The following PPM1L variants were observed in gnomAD, a reference collection of about 807,000 sequenced individuals.
The protein encoded by PPM1L is protein phosphatase 1L.
In PPM1L, 13 loss-of-function variants were observed where a neutral mutation model predicts 31.4. The ratio of observed to expected loss-of-function variants is 0.41; its 90% CI spans 0.27 to 0.66. The LOEUF is 0.66. Among genes scored for constraint, PPM1L ranks in the 30% least tolerant of loss-of-function variants. PPM1L has a pLI of 0.29. For synonymous variants in PPM1L, 184 were observed against 175.4 expected (o/e 1.05, Z -0.39); for missense variants, 326 against 453.7 (o/e 0.72, Z 2.56).
chr3:161,054,637 G>T (rs1012040799), intron 2 of PPM1L, among the ~76,000 whole-genome samples: 1 of 152,130 alleles, frequency 6.6e-6, no homozygotes, highest in Non-Finnish European at 1.5e-5. Flanking sequence ...CAAGACTCTG[G>T]CAACAGGCTA....
chr3:160,822,441 T>A (rs1456110982), intron 1 of PPM1L, among the ~76,000 whole-genome samples: 2 of 152,066 alleles, frequency 1.3e-5, no homozygotes, highest in African/African-American at 4.8e-5. Context: ...TTATGTTTTA[T>A]ATGTATTAAA....
chr3:160,945,488 G>A (rs1056732416), intron 1 of PPM1L, among the ~76,000 whole-genome samples: 1 of 152,076 alleles, frequency 6.6e-6, no homozygotes, highest in East Asian at 1.9e-4. Context: ...AGGAATCTCA[G>A]GGTCAATCTA....
chr3:161,062,183 T>TA (rs1329492858), intron 2 of PPM1L, among the ~76,000 whole-genome samples: 3 of 152,160 alleles, frequency 2.0e-5, no homozygotes, highest in African/African-American at 7.2e-5. Context: ...CCAGCAGACT[T>TA]TTTTGAGTCC....
rs190815846 is a variant in PPM1L, at chr3:161,022,078, A to T, written c.575-43325A>T. 112 of 599,230 alleles carry T rather than the reference A, an allele frequency of 1.9e-4. 1 individual carries two copies. The East Asian group carries it at 2.0e-3, about 11-fold the overall frequency. 37.1% of individuals were successfully genotyped at this position (599,230 alleles called of 1,614,324 possible). A position where few individuals can be genotyped will look rare whatever the true frequency, so the allele number is the denominator to read the frequency against. On this transcript the variant is annotated intron_variant, in intron 2 of 3. Coordinates refer to ENST00000498165, the MANE Select transcript of PPM1L (RefSeq NM_139245.4). ...TATGTCTTATGTATTTTGTTCCTTT[A>T]TCACTCCATTATTGCATACTTTTGT...
chr3:161,044,905 C>G (rs1433002073), intron 2 of PPM1L, among the ~76,000 whole-genome samples: 3 of 151,692 alleles, frequency 2.0e-5, no homozygotes. Flanking sequence ...CACATAGGCT[C>G]AAAATAAAGG....
At chr3:160,872,141 C>A (rs188545199) in intron 1 of PPM1L, among the ~76,000 whole-genome samples, 1 of 152,078 alleles carries the variant, frequency 6.6e-6, no homozygotes, top group Non-Finnish European at 1.5e-5. Context: ...AATCACTCAC[C>A]GGTTTAAGAA....
intron 1 of PPM1L, among the ~76,000 whole-genome samples, chr3:160,855,061 A>G (rs1219458304): frequency 1.3e-5 from 2 of 152,150 alleles, no homozygotes; most frequent in Admixed American, 1.3e-4. Context: ...GAACCCAGAA[A>G]AAAAAGCTGC....
chr3:160,973,131 GA>G (rs1308354305), intron 2 of PPM1L, among the ~76,000 whole-genome samples: 1 of 152,146 alleles, frequency 6.6e-6, no homozygotes, highest in Non-Finnish European at 1.5e-5. Flanking sequence ...AAATTTTAAA[GA>G]ACTTTGCTGA....
chr3:161,013,134 C>A (rs1451634846), intron 2 of PPM1L, among the ~76,000 whole-genome samples: 2 of 152,188 alleles, frequency 1.3e-5, no homozygotes, highest in Admixed American at 6.5e-5. Context: ...AATTTTAGAT[C>A]TTTCCTGCTT....
intron 1 of PPM1L, among the ~76,000 whole-genome samples, chr3:160,958,926 T>C (rs1209630593): frequency 6.6e-6 from 1 of 152,128 alleles, no homozygotes; most frequent in Non-Finnish European, 1.5e-5. Context: ...TCATGAAGGT[T>C]ATAAAGAAAT....
At position 160,835,039 on chromosome 3, in the gene PPM1L, A is replaced by ACTTCTTCTTCCTCTTCTT. The variant is rs1553810670; in HGVS notation, c.399+78342_399+78343insCTCTTCTTCTTCTTCTTC. On this transcript the variant is annotated intron_variant, in intron 1 of 3. Transcript: ENST00000498165. ...TACTACTACTACTATTACTACTACT[A>ACTTCTTCTTCCTCTTCTT]CTTCTTCTTCTTCTTCTTCTTCTTC... Among the ~76,000 whole-genome samples the ACTTCTTCTTCCTCTTCTT allele has an allele frequency of 1.8e-4, 24 of 131,818 alleles. 1 individual carries two copies. The highest frequency in any genetic ancestry group is 7.4e-4 in the African/African-American group (24 of 32,244). 86.5% of individuals were successfully genotyped at this position (131,818 alleles called of 152,430 possible).
intron 2 of PPM1L, among the ~76,000 whole-genome samples, chr3:161,029,381 A>C (rs976235625): frequency 6.6e-6 from 1 of 152,190 alleles, no homozygotes; most frequent in Non-Finnish European, 1.5e-5. Context: ...TTGCAAGTTC[A>C]TATTATTTTC....
chr3:160,773,634 C>G (rs1459969467), intron 1 of PPM1L, among the ~76,000 whole-genome samples: 1 of 152,166 alleles, frequency 6.6e-6, no homozygotes, highest in Non-Finnish European at 1.5e-5. Flanking sequence ...CTGAATGAGA[C>G]TTCTTTTAGA....
chr3:160,864,345 T>G (rs1712011456), intron 1 of PPM1L, among the ~76,000 whole-genome samples: 1 of 151,950 alleles, frequency 6.6e-6, no homozygotes, highest in Non-Finnish European at 1.5e-5. Flanking sequence ...TGACTAATTT[T>G]TGTATGTTTT....
chr3:160,802,950 A>C (rs931576397), intron 1 of PPM1L, among the ~76,000 whole-genome samples: 1 of 152,196 alleles, frequency 6.6e-6, no homozygotes, highest in African/African-American at 2.4e-5. Flanking sequence ...CATGGACTCT[A>C]TTAAGATAGA....
chr3:160,844,559 A>G (rs994622086), intron 1 of PPM1L, among the ~76,000 whole-genome samples: 9 of 152,138 alleles, frequency 5.9e-5, no homozygotes, highest in Admixed American at 2.0e-4. Context: ...CTTGCCATCT[A>G]TGGATTATGT....
At chr3:160,999,663 G>C (rs1055182233) in intron 2 of PPM1L, among the ~76,000 whole-genome samples, 1 of 152,224 alleles carries the variant, frequency 6.6e-6, no homozygotes, top group Admixed American at 6.5e-5. Flanking sequence ...ATAGCTTCCT[G>C]TAATTCCCCA....
intron 1 of PPM1L, among the ~76,000 whole-genome samples, chr3:160,919,610 T>C (rs907260441): frequency 6.6e-6 from 1 of 152,176 alleles, no homozygotes; most frequent in African/African-American, 2.4e-5. Flanking sequence ...TTTGTTAGTT[T>C]GTTTTAGACT....
chr3:160,770,105 A>G (rs1489992976), intron 1 of PPM1L, among the ~76,000 whole-genome samples: 5 of 152,150 alleles, frequency 3.3e-5, no homozygotes, highest in Non-Finnish European at 5.9e-5. Flanking sequence ...TCAACTTCCT[A>G]TTTAGCTTTA....
Sources: gnomAD v4.1 joint callset for allele counts (sites outside exome capture counted in the v4.1 genomes callset) on GRCh38, gnomAD v4.1.1 for gene constraint, MANE v1.5 for transcripts, NCBI Gene and HGNC (gene_info 2026-07-23, HGNC 2026-07-21) for gene names.